XYLB: variants seen among roughly 807,000 people sequenced by gnomAD.
XYLB encodes the protein xylulokinase.
Under a neutral mutation model 78.7 loss-of-function variants are expected in XYLB, and 62 were observed. The ratio of observed to expected loss-of-function variants is 0.79; its 90% CI spans 0.64 to 0.97. The LOEUF (loss-of-function observed/expected upper bound fraction) is 0.97, where lower values mean the gene tolerates loss of function less well. Among genes scored for constraint, XYLB ranks in the 50% least tolerant of loss-of-function variants. XYLB has a pLI of 0.00. For missense variants in XYLB, 687 were observed against 676.8 expected, an observed-to-expected ratio of 1.02 and a Z score of -0.17; for synonymous variants, 245 against 247.4, an observed-to-expected ratio of 0.99 and a Z score of 0.09.
chr3:38,397,124 C>T lies in XYLB; in HGVS notation c.1403C>T (p.Ser468Leu), dbSNP rs2234625. The change falls in exon 17 of 19, where the codon TCG becomes TTG. Residue 468 changes from serine (S) to leucine (L), a missense_variant. Transcript: ENST00000207870. ...GTGTATGTTATAGACACTGCCAACT[C>T]GGCCTGTGTGGGTTCTGCATACCGA... Reference protein sequence around the residue: ...APVYVIDTANSACVGSAYRAF... With the variant: ...APVYVIDTANLACVGSAYRAF... 2.4e-5 allele frequency: 38 copies of T among 1,613,996 alleles called. No individual in the cohort carries two copies. In the East Asian group the frequency reaches 3.3e-4, roughly 14 times the overall value.
chr3:38,375,090 G>T (rs1706776985), intron 11 of XYLB, 54 bp from the exon 12 acceptor site: 1 of 1,441,848 alleles, frequency 6.9e-7, no homozygotes, highest in African/African-American at 1.4e-5. Flanking sequence ...GCTGGCAGAG[G>T]GCAGCGTGTG....
At chr3:38,419,321 A>C (rs1469228583), downstream of XYLB, among the ~76,000 whole-genome samples, 1 of 152,002 alleles carries the variant, frequency 6.6e-6, no homozygotes, top group African/African-American at 2.4e-5. Context: ...CCATCAGTGG[A>C]CATTTAAGTT....
intron 2 of XYLB, chr3:38,355,892 A>G (rs943381622): frequency 3.0e-6 from 2 of 668,078 alleles, no homozygotes; most frequent in Non-Finnish European, 5.4e-6. Flanking sequence ...CTTCAGCTGT[A>G]TCAAGCCATA....
the XYLB span, among the ~76,000 whole-genome samples, chr3:38,431,724 C>T: frequency 2.0e-5 from 3 of 152,050 alleles, no homozygotes; most frequent in African/African-American, 7.2e-5. Context: ...ACTCATGTTT[C>T]CCCTAAGGCT....
the XYLB span, among the ~76,000 whole-genome samples, chr3:38,443,732 T>C: frequency 6.6e-6 from 1 of 152,200 alleles, no homozygotes; most frequent in Admixed American, 6.5e-5. Flanking sequence ...TCTTTTAGGA[T>C]AAATTGACCC....
intron 5 of XYLB, 152 bp downstream of exon 5, chr3:38,365,437 C>A: frequency 1.4e-6 from 2 of 1,383,860 alleles, no homozygotes; most frequent in Non-Finnish European, 2.0e-6. Flanking sequence ...AGAGACCCCA[C>A]TGGGCCAGTT....
chr3:38,375,775 T>C (rs990438465), intron 12 of XYLB, among the ~76,000 whole-genome samples: 15 of 152,144 alleles, frequency 9.9e-5, no homozygotes, highest in Admixed American at 2.0e-4. Flanking sequence ...CTAAGAACCA[T>C]TGGAGAATGT....
At chr3:38,384,160 G>A (rs868018963) in intron 15 of XYLB, among the ~76,000 whole-genome samples, 1 of 152,156 alleles carries the variant, frequency 6.6e-6, no homozygotes, top group Admixed American at 6.5e-5. Flanking sequence ...TCCGCCTCCC[G>A]GGTTCAAGTG....
chr3:38,416,580 A>G (rs1022677759), downstream of XYLB, among the ~76,000 whole-genome samples: 4 of 152,222 alleles, frequency 2.6e-5, no homozygotes, highest in Non-Finnish European at 5.9e-5. Context: ...GTTATTTATA[A>G]GAGACACATC....
At chr3:38,427,035 T>C in the XYLB span, among the ~76,000 whole-genome samples, 1 of 152,234 alleles carries the variant, frequency 6.6e-6, no homozygotes, top group Admixed American at 6.5e-5. Flanking sequence ...TGAGATTGCT[T>C]TGTTTCCCAT....
chr3:38,370,159 A>G lies in XYLB; in HGVS notation c.750A>G (p.Pro250=). The change falls in exon 9 of 19, where the codon CCA becomes CCG. Residue 250 remains proline (P), a synonymous_variant. Transcript: ENST00000207870. ...HLEEKLSPPV[P]SCSVVGAISS... ...AGGAGAAGCTTAGCCCACCAGTACCATCATGCTCAGTTGTGGTAGGTCTCC... is the reference window on the plus strand; with the variant it reads ...AGGAGAAGCTTAGCCCACCAGTACCGTCATGCTCAGTTGTGGTAGGTCTCC... 1.6e-5 allele frequency: 26 copies of G among 1,613,624 alleles called. No homozygotes were observed. The highest frequency in any genetic ancestry group is 2.2e-5 in the Non-Finnish European group (26 of 1,179,864).
intron 18 of XYLB, among the ~76,000 whole-genome samples, chr3:38,410,699 C>A (rs1319628538): frequency 4.6e-5 from 7 of 151,636 alleles, no homozygotes; most frequent in African/African-American, 1.7e-4. Context: ...AAAAAAACAA[C>A]CCCATCAAAA....
At position 38,379,839 on chromosome 3, in the gene XYLB, T is replaced by C. The variant is rs75673674; in HGVS notation, c.1291+497T>C. Among the ~76,000 whole-genome samples the C allele has an allele frequency of 2.9e-3, 437 of 152,330 alleles. 2 individuals are homozygous for C. The highest frequency in any genetic ancestry group is 0.01 in the African/African-American group (416 of 41,578). ...GGAAGACTGATGTCTTAGTTCATTT[T>C]CTGTTGCCTATAACAGAATACCTGT... is the stretch of plus-strand genomic sequence containing the variant. On this transcript the variant is annotated intron_variant, in intron 15 of 18. Coordinates refer to ENST00000207870, the MANE Select transcript of XYLB (RefSeq NM_005108.4).
chr3:38,347,415 T>TG (rs775880143), intron 1 of XYLB, among the ~76,000 whole-genome samples: 80 of 152,330 alleles, frequency 5.3e-4, no homozygotes, highest in Non-Finnish European at 1.0e-3. Flanking sequence ...TGGTGGCTCT[T>TG]GCCGGTAATC....
chr3:38,421,816 T>G (rs1373425931), downstream of XYLB, among the ~76,000 whole-genome samples: 1 of 152,052 alleles, frequency 6.6e-6, no homozygotes, highest in Non-Finnish European at 1.5e-5. Flanking sequence ...ACCCCCTCAT[T>G]ATTTTGAAGA....
At chr3:38,377,304 A>G (rs551640209) in intron 14 of XYLB, among the ~76,000 whole-genome samples, 135 of 152,282 alleles carry the variant, frequency 8.9e-4, no homozygotes, top group African/African-American at 3.2e-3. Flanking sequence ...ATACCCATCA[A>G]GAACCCATGG....
chr3:38,421,572 A>C (rs1398017434), downstream of XYLB, among the ~76,000 whole-genome samples: 2 of 152,312 alleles, frequency 1.3e-5, no homozygotes, highest in African/African-American at 4.8e-5. Context: ...GAGGTCTGGG[A>C]AAAGGTAGGC....
intron 18 of XYLB, among the ~76,000 whole-genome samples, chr3:38,411,573 C>T (rs1029265603): frequency 2.6e-5 from 4 of 151,538 alleles, no homozygotes; most frequent in African/African-American, 7.3e-5. Flanking sequence ...GCAATTTACT[C>T]GAACATTTTC....
chr3:38,418,859 A>AT (rs917742383), downstream of XYLB, among the ~76,000 whole-genome samples: 6 of 152,096 alleles, frequency 3.9e-5, no homozygotes, highest in Admixed American at 3.9e-4. Context: ...AAAAGTGTTC[A>AT]TTTTTTCAAT....
Sources: allele counts gnomAD v4.1 joint callset (sites outside exome capture counted in the v4.1 genomes callset), GRCh38; gene constraint gnomAD v4.1.1; transcripts MANE v1.5; gene names NCBI Gene and HGNC (gene_info 2026-07-23, HGNC 2026-07-21).